Variants in ZNF385D observed in about 807,000 individuals in gnomAD.
ZNF385D encodes zinc finger protein 659.
A neutral mutation model predicts 35.8 loss-of-function variants in ZNF385D; 15 were observed. The ratio of observed to expected loss-of-function variants is 0.42; its 90% CI spans 0.28 to 0.64. The LOEUF (loss-of-function observed/expected upper bound fraction) is 0.64, where lower values mean the gene tolerates loss of function less well. ZNF385D is among the 30% of genes least tolerant of loss of function. ZNF385D has a pLI of 0.23. For synonymous variants in ZNF385D, 212 were observed against 186.8 expected (o/e 1.13, Z -1.10); for missense variants, 474 against 494.6 (o/e 0.96, Z 0.39).
intron 3 of ZNF385D, among the ~76,000 whole-genome samples, chr3:22,022,195 T>A (rs1697261717): frequency 6.6e-6 from 1 of 152,122 alleles, no homozygotes; most frequent in Non-Finnish European, 1.5e-5. Flanking sequence ...AAAAACTAAA[T>A]GAGACAACTT....
At chr3:22,196,069 G>C (rs1304200499) in intron 2 of ZNF385D, among the ~76,000 whole-genome samples, 2 of 151,934 alleles carry the variant, frequency 1.3e-5, no homozygotes, top group Non-Finnish European at 2.9e-5. Flanking sequence ...AATAACGAAT[G>C]GATAGTAGGC....
intron 4 of ZNF385D, among the ~76,000 whole-genome samples, chr3:21,499,128 G>A (rs1360922255): frequency 1.3e-5 from 2 of 151,804 alleles, no homozygotes; most frequent in African/African-American, 2.4e-5. Context: ...CCTTTTTTGA[G>A]TATATCTCCA....
rs146335861 is a variant in ZNF385D at position 21,629,990 on chromosome 3, G to C, written c.165+34896C>G. Among the ~76,000 whole-genome samples the C allele has an allele frequency of 5.1e-3, 710 of 139,474 alleles. 3 individuals are homozygous for C. Among genetic ancestry groups the C allele is most frequent in the Middle Eastern group, 0.019 (5 of 270 alleles). The allele number at this position is 139,474 out of a possible 152,430, so 91.5% of individuals were successfully genotyped here. A position where few individuals can be genotyped will look rare whatever the true frequency, so the allele number is the denominator to read the frequency against. On this transcript the variant is annotated intron_variant, in intron 2 of 7. Coordinates refer to ENST00000281523, the MANE Select transcript of ZNF385D (RefSeq NM_024697.3). ...AATAATTTCTCTGGGAGCACCTATG[G>C]AGAAAGTGTCCCTCTGTATATTTTT...
intron 2 of ZNF385D, among the ~76,000 whole-genome samples, chr3:22,219,138 G>A (rs1459797951): frequency 1.3e-5 from 2 of 152,082 alleles, no homozygotes; most frequent in Admixed American, 6.6e-5. Context: ...GGCTGAGACA[G>A]ATTTATATTT....
chr3:21,667,987 C>T (rs147572922), intron 1 of ZNF385D, among the ~76,000 whole-genome samples: 408 of 152,296 alleles, frequency 2.7e-3, no homozygotes, highest in Non-Finnish European at 4.0e-3. Flanking sequence ...TTAAGCTCAT[C>T]TCTTCTCACC....
chr3:21,672,899 A>G (rs1164644860), intron 1 of ZNF385D, among the ~76,000 whole-genome samples: 17 of 152,120 alleles, frequency 1.1e-4, no homozygotes, highest in Non-Finnish European at 7.4e-5. Flanking sequence ...CTGGTGCCTG[A>G]AACATACTAG....
intron 4 of ZNF385D, among the ~76,000 whole-genome samples, chr3:21,456,279 A>G (rs1357670766): frequency 6.6e-6 from 1 of 152,194 alleles, no homozygotes; most frequent in Non-Finnish European, 1.5e-5. Context: ...ATAAAGACAC[A>G]CGCACATGTA....
intron 3 of ZNF385D, among the ~76,000 whole-genome samples, chr3:21,981,528 G>C (rs1694451011): frequency 6.6e-6 from 1 of 152,066 alleles, no homozygotes; most frequent in African/African-American, 2.4e-5. Context: ...TTATCCTGTT[G>C]ATAATTTCTT....
intron 2 of ZNF385D, among the ~76,000 whole-genome samples, chr3:22,335,669 G>A (rs1404617511): frequency 1.3e-5 from 2 of 152,088 alleles, no homozygotes; most frequent in South Asian, 2.1e-4. Flanking sequence ...TTTGCCTGAA[G>A]AGCATTGACA....
chr3:21,886,042 A>T (rs1451000916), intron 3 of ZNF385D, among the ~76,000 whole-genome samples: 3 of 152,158 alleles, frequency 2.0e-5, no homozygotes, highest in African/African-American at 7.2e-5. Context: ...CATCCAGAAT[A>T]ATGTTTGACC....
At chr3:21,455,185 C>T (rs1339190805) in intron 4 of ZNF385D, among the ~76,000 whole-genome samples, 1 of 152,132 alleles carries the variant, frequency 6.6e-6, no homozygotes, top group East Asian at 1.9e-4. Context: ...GATTCAATGC[C>T]ATCCCCATCA....
chr3:21,861,966 C>T (rs556415020), intron 3 of ZNF385D, among the ~76,000 whole-genome samples: 14 of 152,154 alleles, frequency 9.2e-5, no homozygotes, highest in Non-Finnish European at 1.8e-4. Context: ...GCCTTGAAGA[C>T]GTAATCACAT....
Position 22,239,476 on chromosome 3 carries a change from A to G in ZNF385D, c.107-70441T>C, listed in dbSNP as rs901561004. On this transcript the variant is annotated intron_variant, in intron 2 of 5. Coordinates refer to the ZNF385D transcript ENST00000494108. ...ACTTTACCAGAATTCCTCTTTTATA[A>G]TAGAGATATCTTTTGCTGATAACAC... Among the ~76,000 whole-genome samples the G allele has an allele frequency of 1.5e-4, 23 of 150,680 alleles. 2 individuals are homozygous for G. Among genetic ancestry groups the G allele is most frequent in the African/African-American group, 5.4e-4 (22 of 40,422 alleles).
At chr3:21,907,416 A>C (rs1363530534) in intron 3 of ZNF385D, among the ~76,000 whole-genome samples, 3 of 152,148 alleles carry the variant, frequency 2.0e-5, no homozygotes, top group Admixed American at 6.6e-5. Flanking sequence ...ATCCATTTTC[A>C]TATCAATATA....
chr3:22,317,285 A>C (rs1379292866), intron 2 of ZNF385D, among the ~76,000 whole-genome samples: 3 of 147,368 alleles, frequency 2.0e-5, no homozygotes, highest in Non-Finnish European at 4.5e-5. Flanking sequence ...ATCTCCAAAA[A>C]AAAAAAAAAA....
At chr3:22,035,529 T>C (rs1698258869) in intron 3 of ZNF385D, among the ~76,000 whole-genome samples, 2 of 152,170 alleles carry the variant, frequency 1.3e-5, no homozygotes, top group African/African-American at 4.8e-5. Flanking sequence ...AATTGGTTTG[T>C]TTTTCAATAC....
At chr3:22,091,090 G>C (rs374963175) in intron 3 of ZNF385D, among the ~76,000 whole-genome samples, 1 of 152,110 alleles carries the variant, frequency 6.6e-6, no homozygotes, top group East Asian at 1.9e-4. Flanking sequence ...TATAACACTA[G>C]ATAAGGCTGA....
intron 2 of ZNF385D, among the ~76,000 whole-genome samples, chr3:21,651,965 C>G (rs2065928903): frequency 6.6e-6 from 1 of 152,146 alleles, no homozygotes; most frequent in South Asian, 2.1e-4. Flanking sequence ...AAAATACCAT[C>G]CCTACTCTGA....
At chr3:21,708,394 C>T (rs1045933818) in intron 1 of ZNF385D, among the ~76,000 whole-genome samples, 8 of 152,058 alleles carry the variant, frequency 5.3e-5, no homozygotes, top group Non-Finnish European at 7.4e-5. Context: ...AGCTCTTAAG[C>T]GGAAGAAATA....
Sources: gnomAD v4.1 joint callset for allele counts (sites outside exome capture counted in the v4.1 genomes callset) on GRCh38, gnomAD v4.1.1 for gene constraint, MANE v1.5 for transcripts, NCBI Gene and HGNC (gene_info 2026-07-23, HGNC 2026-07-21) for gene names.